Variants in PPME1 observed in about 807,000 individuals in gnomAD.
PPME1 encodes the protein protein phosphatase methylesterase 1, also known as testicular secretory protein Li 39.
In PPME1, 17 loss-of-function variants were observed where a neutral mutation model predicts 56.9. The observed-to-expected ratio is 0.30, with a 90% CI of 0.20 to 0.45. PPME1 has a LOEUF of 0.45. Ranked by LOEUF, PPME1 falls within the 20% of genes least tolerant of loss-of-function variation. The probability of loss-of-function intolerance (pLI) is 1.00; values close to 1 mark genes in which losing one functional copy is unlikely to be tolerated. For missense variants in PPME1, 357 were observed against 483.2 expected, an observed-to-expected ratio of 0.74 and a Z score of 2.45; for synonymous variants, 122 against 156.2, an observed-to-expected ratio of 0.78 and a Z score of 1.63.
At chr11:74,239,365 T>C (rs1859287092) in intron 9 of PPME1, 109 bp downstream of exon 9, 1 of 1,468,458 alleles carries the variant, frequency 6.8e-7, no homozygotes, top group East Asian at 2.4e-5. Context: ...TTAGGTATTT[T>C]AGGGAGCCAA....
chr11:74,237,437 G>A (rs547943341), intron 8 of PPME1, among the ~76,000 whole-genome samples: 1 of 151,670 alleles, frequency 6.6e-6, no homozygotes, highest in Admixed American at 6.6e-5. Context: ...CACCATGCCC[G>A]GCTAATTTTT....
chr11:74,206,907 C>T (rs1406458800), intron 3 of PPME1, among the ~76,000 whole-genome samples: 1 of 152,190 alleles, frequency 6.6e-6, no homozygotes, highest in Non-Finnish European at 1.5e-5. Flanking sequence ...TAAACATTTA[C>T]TCTGTGCCAG....
chr11:74,219,613 G>A (rs1386113785), intron 3 of PPME1, among the ~76,000 whole-genome samples: 2 of 152,084 alleles, frequency 1.3e-5, no homozygotes, highest in Non-Finnish European at 2.9e-5. Flanking sequence ...GGAACTGGAG[G>A]TCATTACGGT....
intron 9 of PPME1, among the ~76,000 whole-genome samples, chr11:74,240,238 A>G (rs1372597069): frequency 6.6e-6 from 1 of 152,216 alleles, no homozygotes; most frequent in Admixed American, 6.5e-5. Flanking sequence ...AGTCACACTC[A>G]GAAATACTAT....
At position 74,251,125 on chromosome 11, in the gene PPME1, T is replaced by C. The variant is rs1859647833; in HGVS notation, c.1074+107T>C. ...AGCCTGCATTGCCTGCAGCAGCTGCTGTGGAGCCTATGCAGATGCAGTTCC... is the reference window on the plus strand; with the variant it reads ...AGCCTGCATTGCCTGCAGCAGCTGCCGTGGAGCCTATGCAGATGCAGTTCC... On this transcript the variant is annotated intron_variant, in intron 12 of 13. Coordinates refer to ENST00000328257, the MANE Select transcript of PPME1 (RefSeq NM_016147.3). The C allele has an allele frequency of 8.5e-6, 13 of 1,525,374 alleles. No homozygotes were observed. In the East Asian group the frequency reaches 3.2e-4, roughly 38 times the overall value. 94.5% of individuals were successfully genotyped at this position (1,525,374 alleles called of 1,614,324 possible). A position where few individuals can be genotyped will look rare whatever the true frequency, so the allele number is the denominator to read the frequency against.
chr11:74,238,169 TG>T (rs1859245115), intron 8 of PPME1: 1 of 150,010 alleles, frequency 6.7e-6, no homozygotes, highest in Non-Finnish European at 1.5e-5. Context: ...TTTGTTACAC[TG>T]TTTTTTTTTT....
intron 7 of PPME1, 84 bp downstream of exon 7, chr11:74,231,086 C>T: frequency 8.6e-7 from 1 of 1,167,694 alleles, no homozygotes; most frequent in East Asian, 2.6e-5. Flanking sequence ...GAGACAAGGC[C>T]TCACTCTGTC....
chr11:74,177,516 A>G (rs1227650148), intron 1 of PPME1, among the ~76,000 whole-genome samples: 3 of 151,892 alleles, frequency 2.0e-5, no homozygotes, highest in Admixed American at 6.6e-5. Context: ...CCAAATTTCT[A>G]TATAAATCCG....
intron 9 of PPME1, among the ~76,000 whole-genome samples, chr11:74,239,978 C>G (rs956088850): frequency 0.011 from 544 of 48,730 alleles, 3 homozygotes; most frequent in Non-Finnish European, 0.016. Context: ...TTTTTTTTTT[C>G]GTTTGAGACT....
At chr11:74,223,299 T>G (rs1382114723) in intron 4 of PPME1, among the ~76,000 whole-genome samples, 1 of 151,304 alleles carries the variant, frequency 6.6e-6, no homozygotes, top group Non-Finnish European at 1.5e-5. Flanking sequence ...TGCATAGTAT[T>G]CCATGGTGTA....
In PPME1 at chr11:74,253,911, C is replaced by T; in HGVS notation, c.*401C>T. On this transcript the variant is annotated 3_prime_UTR_variant, in exon 14 of 14. Transcript: ENST00000328257. ...ATTCCTTGAGATTGTCTTGGCATGG[C>T]CCAGCCCTGCCTCATGGGATGGACA... 3.4e-6 allele frequency: 1 copy of T among 293,290 alleles called. No homozygotes were observed. The highest frequency in any genetic ancestry group is 4.8e-5 in the Admixed American group (1 of 20,976). 18.2% of individuals were successfully genotyped at this position (293,290 alleles called of 1,614,324 possible). A position where few individuals can be genotyped will look rare whatever the true frequency, so the allele number is the denominator to read the frequency against.
At chr11:74,188,139 A>G (rs1857736102) in intron 1 of PPME1, among the ~76,000 whole-genome samples, 2 of 151,420 alleles carry the variant, frequency 1.3e-5, no homozygotes, top group Admixed American at 1.3e-4. Flanking sequence ...AGGCCTTTGT[A>G]GTAGACATAT....
At chr11:74,242,944 A>G (rs1420441868) in intron 9 of PPME1, among the ~76,000 whole-genome samples, 1 of 151,198 alleles carries the variant, frequency 6.6e-6, no homozygotes, top group Non-Finnish European at 1.5e-5. Flanking sequence ...AGGGACCCAC[A>G]GTGATTAGTT....
chr11:74,227,472 TG>T (rs1858960063), intron 5 of PPME1, among the ~76,000 whole-genome samples: 1 of 140,758 alleles, frequency 7.1e-6, no homozygotes, highest in Admixed American at 6.7e-5. Flanking sequence ...TCAGTTACTG[TG>T]GAAAAAAAAA....
At chr11:74,204,516 T>C in intron 3 of PPME1, 71 bp downstream of exon 3, 3 of 1,320,436 alleles carry the variant, frequency 2.3e-6, no homozygotes, top group Non-Finnish European at 3.2e-6. Context: ...GGACAAATCT[T>C]GGAAGTTAAC....
intron 3 of PPME1, among the ~76,000 whole-genome samples, chr11:74,217,325 T>G (rs971837554): frequency 6.6e-6 from 1 of 151,958 alleles, no homozygotes; most frequent in Non-Finnish European, 1.5e-5. Context: ...GTGGATCACT[T>G]GAGATCAGGA....
chr11:74,240,069 G>T (rs969184962), intron 9 of PPME1, among the ~76,000 whole-genome samples: 9 of 151,588 alleles, frequency 5.9e-5, no homozygotes, highest in African/African-American at 2.2e-4. Flanking sequence ...CTGTAGCTGG[G>T]ACTACAGGTG....
chr11:74,172,543 G>T (rs1173851564), intron 1 of PPME1, among the ~76,000 whole-genome samples: 1 of 152,196 alleles, frequency 6.6e-6, no homozygotes, highest in Non-Finnish European at 1.5e-5. Flanking sequence ...TGGAAAGGAA[G>T]GAGAGCCATG....
At chr11:74,225,488 A>G (rs1335518868) in intron 5 of PPME1, among the ~76,000 whole-genome samples, 1 of 152,000 alleles carries the variant, frequency 6.6e-6, no homozygotes, top group Non-Finnish European at 1.5e-5. Context: ...AGCACATGAA[A>G]ATTCTTCAAG....
Sources: allele counts gnomAD v4.1 joint callset (sites outside exome capture counted in the v4.1 genomes callset), GRCh38; gene constraint gnomAD v4.1.1; transcripts MANE v1.5; gene names NCBI Gene and HGNC (gene_info 2026-07-23, HGNC 2026-07-21).